Variants in SPATA17 observed in about 807,000 individuals in gnomAD.
SPATA17 encodes the protein spermatogenesis-associated protein 17.
Under a neutral mutation model 62.2 loss-of-function variants are expected in SPATA17, and 53 were observed. That is an observed-to-expected ratio of 0.85 (90% CI 0.68 to 1.07). The LOEUF is 1.07. SPATA17 is among the 50% of genes least tolerant of loss of function. The pLI, the probability that SPATA17 is intolerant of heterozygous loss-of-function variation, is 0.00. For missense variants in SPATA17, 466 were observed against 425.5 expected (o/e 1.10, Z -0.84); for synonymous variants, 146 against 146.8 (o/e 0.99, Z 0.04).
intron 6 of SPATA17, among the ~76,000 whole-genome samples, chr1:217,764,110 T>G (rs1386435856): frequency 2.0e-5 from 3 of 152,118 alleles, no homozygotes; most frequent in Non-Finnish European, 4.4e-5. Flanking sequence ...AAGTCCATAG[T>G]TTACATTAGG....
At chr1:217,795,051 TCTTA>T (rs1434670473) in intron 8 of SPATA17, among the ~76,000 whole-genome samples, 3 of 152,202 alleles carry the variant, frequency 2.0e-5, no homozygotes, top group African/African-American at 4.8e-5. Context: ...CTTTTGTTGT[TCTTA>T]CTATGAACAT....
At chr1:217,708,446 A>C (rs957438963) in intron 5 of SPATA17, among the ~76,000 whole-genome samples, 4 of 152,194 alleles carry the variant, frequency 2.6e-5, no homozygotes, top group African/African-American at 9.6e-5. Context: ...TAAGGTAAAA[A>C]TCCTAGAAGA....
At chr1:217,773,743 T>C (rs1673515394) in intron 6 of SPATA17, among the ~76,000 whole-genome samples, 1 of 152,064 alleles carries the variant, frequency 6.6e-6, no homozygotes, top group African/African-American at 2.4e-5. Context: ...TTATTTTGAG[T>C]GATATATAAT....
chr1:217,696,884 C>T (rs1210954097), intron 5 of SPATA17, among the ~76,000 whole-genome samples: 3 of 152,188 alleles, frequency 2.0e-5, no homozygotes, highest in Non-Finnish European at 4.4e-5. Context: ...ATATGAGAGA[C>T]TCAGATTTCT....
intron 2 of SPATA17, among the ~76,000 whole-genome samples, chr1:217,650,404 CTCTCTTTCTCTCTT>C (rs1374485550): frequency 6.6e-6 from 1 of 151,896 alleles, no homozygotes; most frequent in Non-Finnish European, 1.5e-5. Flanking sequence ...CTTTCTCTCT[CTCTCTTTCTCTCTT>C]TCTCTCTCTT....
At chr1:217,780,257 G>C (rs1470248240) in intron 7 of SPATA17, among the ~76,000 whole-genome samples, 5 of 152,146 alleles carry the variant, frequency 3.3e-5, no homozygotes, top group African/African-American at 7.2e-5. Context: ...AGAGAAACTT[G>C]ATAGCTGGTG....
At chr1:217,709,597 C>G (rs1024242798) in intron 5 of SPATA17, among the ~76,000 whole-genome samples, 1 of 152,274 alleles carries the variant, frequency 6.6e-6, no homozygotes, top group East Asian at 1.9e-4. Context: ...GACATCCCAT[C>G]GCTTTTGCTA....
intron 6 of SPATA17, among the ~76,000 whole-genome samples, chr1:217,760,999 G>A (rs1462737582): frequency 6.6e-6 from 1 of 152,096 alleles, no homozygotes; most frequent in Non-Finnish European, 1.5e-5. Flanking sequence ...AGCCAGCTCA[G>A]AATACGTAGA....
chr1:217,697,352 A>G (rs1055368775), intron 5 of SPATA17, among the ~76,000 whole-genome samples: 3 of 152,228 alleles, frequency 2.0e-5, no homozygotes, highest in Non-Finnish European at 2.9e-5. Context: ...CCAGAAATGC[A>G]TTACAATTTA....
At chr1:217,674,198 G>T (rs1670895745) in intron 4 of SPATA17, among the ~76,000 whole-genome samples, 1 of 152,110 alleles carries the variant, frequency 6.6e-6, no homozygotes, top group African/African-American at 2.4e-5. Context: ...CTGACTTCCA[G>T]TGAGGAAGCA....
At chr1:217,814,135 G>C (rs1674660436) in intron 9 of SPATA17, among the ~76,000 whole-genome samples, 1 of 152,058 alleles carries the variant, frequency 6.6e-6, no homozygotes, top group Admixed American at 6.6e-5. Context: ...TTAAATCTGA[G>C]CATATTAGTT....
Position 217,805,424 on chromosome 1 carries a change from C to G in SPATA17, c.1005+3574C>G, listed in dbSNP as rs116478463. ...AGAAGGGGATGTTTGTCAAAATGTACAAAGTTTCAGTTAGGATGAATAGTT... is the reference window on the plus strand; with the variant it reads ...AGAAGGGGATGTTTGTCAAAATGTAGAAAGTTTCAGTTAGGATGAATAGTT... On this transcript the variant is annotated intron_variant, in intron 9 of 10. Coordinates refer to ENST00000366933, the MANE Select transcript of SPATA17 (RefSeq NM_138796.4). Among the ~76,000 whole-genome samples the G allele has an allele frequency of 1.4e-3, 220 of 152,192 alleles. 2 individuals are homozygous for G. Among genetic ancestry groups the G allele is most frequent in the African/African-American group, 4.5e-3 (187 of 41,530 alleles).
At chr1:217,802,371 C>T (rs1674335065) in intron 9 of SPATA17, among the ~76,000 whole-genome samples, 1 of 152,076 alleles carries the variant, frequency 6.6e-6, no homozygotes, top group South Asian at 2.1e-4. Context: ...GTATATGTGG[C>T]ACTTATGTGA....
intron 5 of SPATA17, among the ~76,000 whole-genome samples, chr1:217,727,093 C>T (rs956395345): frequency 2.0e-5 from 3 of 151,624 alleles, no homozygotes; most frequent in African/African-American, 7.3e-5. Flanking sequence ...ACTAAAAATA[C>T]AAAGTTAGCC....
At chr1:217,666,661 A>G (rs1558558185) in intron 3 of SPATA17, among the ~76,000 whole-genome samples, 1 of 152,168 alleles carries the variant, frequency 6.6e-6, no homozygotes, top group Non-Finnish European at 1.5e-5. Context: ...ACCACTGTTC[A>G]TCTCCAGAAC....
chr1:217,728,694 G>T (rs1052133659), intron 5 of SPATA17, among the ~76,000 whole-genome samples: 2 of 151,864 alleles, frequency 1.3e-5, no homozygotes, highest in Admixed American at 6.6e-5. Context: ...TGGCTGTTTT[G>T]TAGGTTCATT....
intron 5 of SPATA17, among the ~76,000 whole-genome samples, chr1:217,709,282 T>G (rs991429989): frequency 6.6e-6 from 1 of 152,210 alleles, no homozygotes; most frequent in African/African-American, 2.4e-5. Context: ...ATCAGGAATC[T>G]GGGAGGGGCT....
In SPATA17 at chr1:217,868,061, A is replaced by G. The variant is rs1676053738; in HGVS notation, c.*1042A>G. On this transcript the variant is annotated 3_prime_UTR_variant, in exon 11 of 11. Transcript: ENST00000366933. ...GAGGGGAAAAAAAGGAACCTATTAA[A>G]AAGACATTATCTATCAATCACTGTG... is the stretch of plus-strand genomic sequence containing the variant. 6.6e-6 allele frequency: 1 copy of G among 152,208 alleles called. No individual in the cohort carries two copies. The highest frequency in any genetic ancestry group is 1.5e-5 in the Non-Finnish European group (1 of 68,024). The allele number at this position is 152,208 out of a possible 1,614,324, so 9.4% of individuals were successfully genotyped here. A position where few individuals can be genotyped will look rare whatever the true frequency, so the allele number is the denominator to read the frequency against.
chr1:217,632,551 C>G (rs1669825658), intron 1 of SPATA17, among the ~76,000 whole-genome samples: 2 of 152,212 alleles, frequency 1.3e-5, no homozygotes, highest in South Asian at 2.1e-4. Flanking sequence ...TCTTACAGCA[C>G]TGATCACAAT....
Sources: gnomAD v4.1 joint callset for allele counts (sites outside exome capture counted in the v4.1 genomes callset) on GRCh38, gnomAD v4.1.1 for gene constraint, MANE v1.5 for transcripts, NCBI Gene and HGNC (gene_info 2026-07-23, HGNC 2026-07-21) for gene names.